C6: variants seen among roughly 807,000 people sequenced by gnomAD.
C6 encodes the protein complement C6.
C6 carries 101 observed loss-of-function variants against 112.9 expected under a neutral mutation model. That is an observed-to-expected ratio of 0.89 (90% confidence interval 0.76 to 1.06). The LOEUF is 1.06. Among genes scored for constraint, C6 ranks in the 50% least tolerant of loss-of-function variants. The pLI, the probability that C6 is intolerant of heterozygous loss-of-function variation, is 0.00. For missense variants in C6, 1,202 were observed against 1,104.6 expected (o/e 1.09, Z -1.25); for synonymous variants, 431 against 384.1 (o/e 1.12, Z -1.43).
At chr5:41,181,598 A>G in intron 6 of C6, 39 bp from the exon 7 acceptor site, 1 of 1,515,594 alleles carries the variant, frequency 6.6e-7, no homozygotes, top group Non-Finnish European at 9.1e-7. Flanking sequence ...ATAATTTAGG[A>G]AATACTGGAG....
intron 1 of C6, among the ~76,000 whole-genome samples, chr5:41,232,339 T>G (rs1739958127): frequency 6.6e-6 from 1 of 152,166 alleles, no homozygotes; most frequent in African/African-American, 2.4e-5. Context: ...TCTGCTGCTC[T>G]GTGCTAAATC....
intron 9 of C6, among the ~76,000 whole-genome samples, chr5:41,168,411 ACATATTAT>A (rs773930173): frequency 5.3e-5 from 8 of 152,160 alleles, no homozygotes; most frequent in Non-Finnish European, 1.2e-4. Flanking sequence ...AAGAATAATA[ACATATTAT>A]GAGAGTGTTT....
intron 5 of C6, among the ~76,000 whole-genome samples, chr5:41,192,313 A>G (rs188701000): frequency 1.6e-4 from 24 of 152,248 alleles, no homozygotes; most frequent in African/African-American, 5.3e-4. Flanking sequence ...GGATTTTTGC[A>G]TCAGGGATAT....
At chr5:41,151,110 T>G (rs903193278) in intron 15 of C6, among the ~76,000 whole-genome samples, 3 of 152,084 alleles carry the variant, frequency 2.0e-5, no homozygotes, top group Admixed American at 1.3e-4. Context: ...TGTAACAAAA[T>G]CAGCCCTCGA....
intron 5 of C6, 127 bp from the exon 6 acceptor site, chr5:41,186,335 C>G (rs1041744865): frequency 6.0e-6 from 6 of 1,003,470 alleles, no homozygotes; most frequent in Middle Eastern, 3.1e-4. Flanking sequence ...GAAGGAATCC[C>G]CCACACCTCC....
At chr5:41,220,536 AT>A (rs2150403571) in intron 1 of C6, among the ~76,000 whole-genome samples, 1 of 152,142 alleles carries the variant, frequency 6.6e-6, no homozygotes, top group East Asian at 1.9e-4. Flanking sequence ...TATAAATCAG[AT>A]TTATTTTTTA....
chr5:41,169,195 G>A (rs1748221938), intron 9 of C6, among the ~76,000 whole-genome samples: 1 of 152,062 alleles, frequency 6.6e-6, no homozygotes, highest in Non-Finnish European at 1.5e-5. Flanking sequence ...GGCTAGCCAA[G>A]GCAAAGAGAA....
intron 6 of C6, among the ~76,000 whole-genome samples, chr5:41,183,897 A>G (rs1414606519): frequency 6.6e-6 from 1 of 150,446 alleles, no homozygotes; most frequent in Admixed American, 6.6e-5. Flanking sequence ...CAAATACTAC[A>G]TGTTTTCACT....
chr5:41,154,072 C>T lies in C6; in HGVS notation c.2102-74G>A. 5 of 1,302,414 alleles carry T rather than the reference C, an allele frequency of 3.8e-6. No homozygotes were observed. In the Admixed American group the frequency reaches 7.0e-5, roughly 18 times the overall value. 80.7% of individuals were successfully genotyped at this position (1,302,414 alleles called of 1,614,324 possible). On this transcript the variant is annotated intron_variant, in intron 14 of 17. Coordinates refer to ENST00000337836, the MANE Select transcript of C6 (RefSeq NM_000065.5). ...AAAAATTTAGGCAAATTTTGTGCAA[C>T]CAAAGAGGTGATTTTGATGAGATTT...
At chr5:41,151,233 G>C (rs564610616) in intron 15 of C6, among the ~76,000 whole-genome samples, 5 of 152,152 alleles carry the variant, frequency 3.3e-5, no homozygotes, top group Admixed American at 1.3e-4. Flanking sequence ...GGTAGTTCAG[G>C]TGAAAGAGGA....
intron 1 of C6, among the ~76,000 whole-genome samples, chr5:41,236,754 CA>C (rs1261910011): frequency 7.1e-6 from 1 of 140,768 alleles, no homozygotes. Context: ...AATAGAGACA[CA>C]AAAAATCCTT....
rs766749453 is a variant in C6 at position 41,203,151 on chromosome 5, T to C, written c.80A>G (p.Tyr27Cys). The change falls in exon 2 of 18, where the codon TAT becomes TGT. Residue 27 changes from tyrosine (Y) to cysteine (C), a missense_variant. Physicochemically the swap from Tyr to Cys is radical, Grantham distance 194. Transcript: ENST00000337836. ...GCAGCTGGTCCACTGAGTCCATGCATAGTGATCACAGAAGCAGGCTTGGCC... is the reference window on the plus strand; with the variant it reads ...GCAGCTGGTCCACTGAGTCCATGCACAGTGATCACAGAAGCAGGCTTGGCC... The part of the protein sequence containing the change: ...NKGQACFCDH[Y>C]AWTQWTSCSK... 7 of 1,613,940 alleles carry C rather than the reference T, an allele frequency of 4.3e-6. No homozygotes were observed. The highest frequency in any genetic ancestry group is 5.1e-6 in the Non-Finnish European group (6 of 1,179,972).
chr5:41,258,071 C>A (rs571298803), intron 1 of C6, among the ~76,000 whole-genome samples: 1 of 152,190 alleles, frequency 6.6e-6, no homozygotes, highest in African/African-American at 2.4e-5. Flanking sequence ...AAAAAACCCA[C>A]CAGGCATGGT....
rs573251519 is a variant in C6 at position 41,178,720 on chromosome 5, C to T, written c.928-2005G>A. Among the ~76,000 whole-genome samples the T allele has an allele frequency of 3.3e-5, 5 of 152,194 alleles. No individual in the cohort carries two copies. The East Asian group carries it at 9.7e-4, about 29-fold the overall frequency. ...CAAACTCCTGACCTCAGGTGATCTGCCTACCTCAGTCCTCCAAAGTTCTGG... is the reference window on the plus strand; with the variant it reads ...CAAACTCCTGACCTCAGGTGATCTGTCTACCTCAGTCCTCCAAAGTTCTGG... On this transcript the variant is annotated intron_variant, in intron 7 of 17. Transcript: ENST00000337836.
At chr5:41,190,362 T>G (rs1014050187) in intron 5 of C6, among the ~76,000 whole-genome samples, 1 of 152,230 alleles carries the variant, frequency 6.6e-6, no homozygotes, top group Non-Finnish European at 1.5e-5. Context: ...CGATGATTAG[T>G]GATGTTGAAC....
intron 11 of C6, among the ~76,000 whole-genome samples, chr5:41,159,639 C>G (rs1006143147): frequency 2.0e-5 from 3 of 147,888 alleles, no homozygotes; most frequent in Non-Finnish European, 4.6e-5. Flanking sequence ...TACATTCTTA[C>G]TCCCATGCCT....
intron 7 of C6, among the ~76,000 whole-genome samples, chr5:41,178,770 C>T (rs563465995): frequency 1.3e-5 from 2 of 152,212 alleles, no homozygotes; most frequent in African/African-American, 4.8e-5. Flanking sequence ...GCCACCGCGC[C>T]CAGCCTCATT....
chr5:41,260,959 G>T (rs998474810), intron 1 of C6, among the ~76,000 whole-genome samples: 2 of 152,108 alleles, frequency 1.3e-5, no homozygotes, highest in African/African-American at 2.4e-5. Context: ...ACTACACAAA[G>T]GTTTGTTTTC....
intron 1 of C6, among the ~76,000 whole-genome samples, chr5:41,210,997 T>A (rs927222445): frequency 1.3e-5 from 2 of 152,142 alleles, no homozygotes; most frequent in African/African-American, 4.8e-5. Context: ...CAAATGTCCA[T>A]CAATGATAGA....
Sources: allele counts gnomAD v4.1 joint callset (sites outside exome capture counted in the v4.1 genomes callset), GRCh38; gene constraint gnomAD v4.1.1; transcripts MANE v1.5; gene names NCBI Gene and HGNC (gene_info 2026-07-23, HGNC 2026-07-21).